Variants in SNTG1 observed in about 807,000 individuals in gnomAD.
SNTG1 encodes the protein syntrophin gamma 1.
In SNTG1, 39 loss-of-function variants were observed where a neutral mutation model predicts 74.7. The ratio of observed to expected loss-of-function variants is 0.52; its 90% confidence interval spans 0.40 to 0.68. The LOEUF (loss-of-function observed/expected upper bound fraction) is 0.68. Ranked by LOEUF, SNTG1 falls within the 30% of genes least tolerant of loss-of-function variation. The pLI is 0.00. For synonymous variants in SNTG1, 254 were observed against 217.1 expected (o/e 1.17, Z -1.49); for missense variants, 685 against 609.5 (o/e 1.12, Z -1.30).
At chr8:50,401,757 A>G (rs1450581197) in intron 3 of SNTG1, among the ~76,000 whole-genome samples, 1 of 152,100 alleles carries the variant, frequency 6.6e-6, no homozygotes. Context: ...CTTCTTTTTG[A>G]AGTAATGGAA....
At chr8:49,957,973 A>G (rs557449224) in intron 1 of SNTG1, among the ~76,000 whole-genome samples, 1 of 152,324 alleles carries the variant, frequency 6.6e-6, no homozygotes, top group South Asian at 2.1e-4. Flanking sequence ...CAAATGACAT[A>G]GGACTTGTGG....
chr8:50,347,271 A>G (rs1003354090), intron 2 of SNTG1, among the ~76,000 whole-genome samples: 3 of 152,232 alleles, frequency 2.0e-5, no homozygotes, highest in African/African-American at 7.2e-5. Flanking sequence ...ATGCTAAGTC[A>G]ACTCTGCCTG....
rs536051246 is a variant in SNTG1 at position 50,662,322 on chromosome 8, T to A, written c.1038+3659T>A. Among the ~76,000 whole-genome samples, 454 of 152,348 alleles carry A rather than the reference T, an allele frequency of 3.0e-3. 3 individuals are homozygous for A. The highest frequency in any genetic ancestry group is 0.011 in the African/African-American group (439 of 41,592). ...ATCAGGAAAATCCTGTCCCTTCTGA[T>A]GTGTTCATAATGAAGCTACACCAGT... On this transcript the variant is annotated intron_variant, in intron 15 of 18. Coordinates refer to ENST00000642720, the MANE Select transcript of SNTG1 (RefSeq NM_018967.5).
chr8:50,222,295 G>T (rs779861201), intron 2 of SNTG1, among the ~76,000 whole-genome samples: 31 of 152,160 alleles, frequency 2.0e-4, no homozygotes, highest in Non-Finnish European at 3.8e-4. Context: ...TATAGCCTGA[G>T]GGAGGGGCTA....
intron 5 of SNTG1, among the ~76,000 whole-genome samples, chr8:50,445,968 G>A (rs1166646887): frequency 6.6e-6 from 1 of 152,166 alleles, no homozygotes; most frequent in East Asian, 1.9e-4. Context: ...TTTCAAAAAT[G>A]AACAGTTTCC....
At chr8:50,048,096 G>A (rs1000995073) in intron 1 of SNTG1, among the ~76,000 whole-genome samples, 2 of 151,554 alleles carry the variant, frequency 1.3e-5, no homozygotes, top group Non-Finnish European at 2.9e-5. Flanking sequence ...TTTTGTGTTG[G>A]CATCCATGAA....
Position 50,331,374 on chromosome 8 carries a change from G to T in SNTG1, c.-27-62838G>T, listed in dbSNP as rs535029716. Among the ~76,000 whole-genome samples the T allele has an allele frequency of 3.4e-4, 52 of 152,270 alleles. 1 individual carries two copies. The highest frequency in any genetic ancestry group is 1.2e-3 in the African/African-American group (50 of 41,546). On this transcript the variant is annotated intron_variant, in intron 2 of 18. Transcript: ENST00000642720. ...TCTGATACAGTTTGCATGAACTTGA[G>T]ACCAAAACGATCTTTAATTAGTGTT...
intron 4 of SNTG1, among the ~76,000 whole-genome samples, chr8:50,408,571 A>T (rs948258825): frequency 2.0e-5 from 3 of 152,164 alleles, no homozygotes; most frequent in African/African-American, 7.2e-5. Context: ...CATCAGCCCC[A>T]ACATTAACCC....
chr8:50,539,720 C>T (rs2094332931), intron 11 of SNTG1, among the ~76,000 whole-genome samples: 1 of 152,128 alleles, frequency 6.6e-6, no homozygotes, highest in Admixed American at 6.6e-5. Context: ...CTGACACTAC[C>T]CTGGCAGGGA....
intron 11 of SNTG1, among the ~76,000 whole-genome samples, chr8:50,550,176 C>A (rs1352496695): frequency 1.3e-5 from 2 of 152,168 alleles, no homozygotes; most frequent in African/African-American, 4.8e-5. Flanking sequence ...CCACACAAAT[C>A]TAGCCACTCT....
At chr8:49,930,604 T>C (rs1186264788) in intron 1 of SNTG1, among the ~76,000 whole-genome samples, 1 of 152,106 alleles carries the variant, frequency 6.6e-6, no homozygotes, top group African/African-American at 2.4e-5. Flanking sequence ...TCTTTATTTA[T>C]ATATGTTGGA....
At chr8:50,546,161 T>C (rs1351797394) in intron 11 of SNTG1, among the ~76,000 whole-genome samples, 1 of 152,008 alleles carries the variant, frequency 6.6e-6, no homozygotes, top group Non-Finnish European at 1.5e-5. Flanking sequence ...AGAAAATAAA[T>C]ACTGAAAGAA....
intron 2 of SNTG1, among the ~76,000 whole-genome samples, chr8:50,303,496 A>C (rs1038490429): frequency 1.3e-5 from 2 of 152,002 alleles, no homozygotes; most frequent in African/African-American, 4.8e-5. Context: ...TTAGGCCTCA[A>C]ATTATTTTGC....
At chr8:50,407,562 C>T (rs1160760316) in intron 4 of SNTG1, among the ~76,000 whole-genome samples, 1 of 152,312 alleles carries the variant, frequency 6.6e-6, no homozygotes, top group East Asian at 1.9e-4. Context: ...ATCACATTAG[C>T]TGAAAGCTGC....
intron 1 of SNTG1, among the ~76,000 whole-genome samples, chr8:49,938,608 TTTC>T (rs1365009878): frequency 0.02 from 1,046 of 51,262 alleles, 26 homozygotes; most frequent in African/African-American, 0.054. Context: ...TTTTCTTTTC[TTTC>T]TTTCTTTCTT....
chr8:50,560,656 G>A (rs930036298), intron 12 of SNTG1, among the ~76,000 whole-genome samples: 3 of 152,102 alleles, frequency 2.0e-5, no homozygotes, highest in African/African-American at 7.2e-5. Flanking sequence ...CTTATAAGCA[G>A]GAACTGAATG....
At chr8:50,742,173 G>T (rs62518760) in intron 17 of SNTG1, among the ~76,000 whole-genome samples, 44 of 151,774 alleles carry the variant, frequency 2.9e-4, no homozygotes, top group Middle Eastern at 3.4e-3. Flanking sequence ...TAACCAACTG[G>T]ATCTAACAGA....
At chr8:49,929,495 T>A (rs114960924) in intron 1 of SNTG1, among the ~76,000 whole-genome samples, 2,082 of 152,104 alleles carry the variant, frequency 0.014, 51 homozygotes, top group African/African-American at 0.045. Context: ...GAAATGGAGG[T>A]CTTTTGTGAG....
At chr8:50,431,490 A>G (rs765226720) in intron 4 of SNTG1, among the ~76,000 whole-genome samples, 17 of 152,216 alleles carry the variant, frequency 1.1e-4, no homozygotes, top group Non-Finnish European at 1.5e-4. Flanking sequence ...GTGATAATGG[A>G]TACAGGTAGT....
Sources: gnomAD v4.1 joint callset for allele counts (sites outside exome capture counted in the v4.1 genomes callset) on GRCh38, gnomAD v4.1.1 for gene constraint, MANE v1.5 for transcripts, NCBI Gene and HGNC (gene_info 2026-07-23, HGNC 2026-07-21) for gene names.